The following KCNK1 variants were observed in gnomAD, a reference collection of about 807,000 sequenced individuals.
KCNK1 encodes the protein potassium channel subfamily K member 1.
A neutral mutation model predicts 22.2 loss-of-function variants in KCNK1; 10 were observed. The ratio of observed to expected loss-of-function variants is 0.45; its 90% CI spans 0.28 to 0.76. The LOEUF is 0.76. Ranked by LOEUF, KCNK1 falls within the 30% of genes least tolerant of loss-of-function variation. The pLI is 0.14. For synonymous variants in KCNK1, 200 were observed against 186.4 expected, an observed-to-expected ratio of 1.07 and a Z score of -0.60; for missense variants, 378 against 421.0, an observed-to-expected ratio of 0.90 and a Z score of 0.89.
At chr1:233,655,719 G>A (rs1658279720) in intron 1 of KCNK1, 2 of 152,878 alleles carry the variant, frequency 1.3e-5, no homozygotes, top group Admixed American at 1.3e-4. Flanking sequence ...TGAGATTAGA[G>A]TGAGAAGTCT....
intron 1 of KCNK1, among the ~76,000 whole-genome samples, chr1:233,642,643 T>C (rs1658018477): frequency 6.6e-6 from 1 of 152,204 alleles, no homozygotes; most frequent in Non-Finnish European, 1.5e-5. Context: ...CCCTTTAGCC[T>C]GTGGCCATGG....
chr1:233,670,589 T>C (rs1658579740), intron 2 of KCNK1, among the ~76,000 whole-genome samples: 1 of 152,104 alleles, frequency 6.6e-6, no homozygotes, highest in Admixed American at 6.5e-5. Context: ...AGAGAATGTG[T>C]GCAGGGGAAG....
chr1:233,656,032 G>A (rs975466342), intron 1 of KCNK1, among the ~76,000 whole-genome samples: 1 of 152,148 alleles, frequency 6.6e-6, no homozygotes, highest in Non-Finnish European at 1.5e-5. Flanking sequence ...AAGTCCCTAG[G>A]AAAGGATGCT....
chr1:233,654,196 C>T (rs548172584), intron 1 of KCNK1, among the ~76,000 whole-genome samples: 9 of 148,124 alleles, frequency 6.1e-5, no homozygotes, highest in South Asian at 4.4e-4. Context: ...AAAAAGCCAT[C>T]GGGGTGGGGG....
intron 1 of KCNK1, among the ~76,000 whole-genome samples, chr1:233,632,627 G>A (rs1021740350): frequency 6.6e-6 from 1 of 152,054 alleles, no homozygotes; most frequent in African/African-American, 2.4e-5. Flanking sequence ...GCTACCACTC[G>A]GTGACCACAT....
At chr1:233,655,475 C>T (rs1344272982) in intron 1 of KCNK1, among the ~76,000 whole-genome samples, 1 of 152,064 alleles carries the variant, frequency 6.6e-6, no homozygotes, top group African/African-American at 2.4e-5. Flanking sequence ...ATGCATTTTG[C>T]GTGTGAGAAG....
At chr1:233,659,463 T>C (rs141773929) in intron 1 of KCNK1, among the ~76,000 whole-genome samples, 22 of 150,902 alleles carry the variant, frequency 1.5e-4, no homozygotes, top group South Asian at 6.4e-4. Flanking sequence ...GTAAACCAGC[T>C]TCAGGCAAGT....
chr1:233,650,040 A>C (rs4649241), intron 1 of KCNK1: 251,349 of 533,006 alleles, frequency 0.47, 61,316 homozygotes, highest in Admixed American at 0.63. Flanking sequence ...CTTCCCTGAG[A>C]GTACACCAGG....
At chr1:233,654,022 G>A (rs1388098981) in intron 1 of KCNK1, among the ~76,000 whole-genome samples, 1 of 152,086 alleles carries the variant, frequency 6.6e-6, no homozygotes, top group Non-Finnish European at 1.5e-5. Flanking sequence ...AGGTGATTCT[G>A]GTGAAGGCTC....
At chr1:233,661,399 T>A (rs914213649) in intron 1 of KCNK1, among the ~76,000 whole-genome samples, 3 of 152,192 alleles carry the variant, frequency 2.0e-5, no homozygotes, top group African/African-American at 4.8e-5. Flanking sequence ...TGCCATTGCC[T>A]CTCTGTCTTT....
intron 1 of KCNK1, among the ~76,000 whole-genome samples, chr1:233,639,797 C>T (rs148839579): frequency 2.4e-4 from 37 of 152,260 alleles, no homozygotes; most frequent in Non-Finnish European, 3.7e-4. Flanking sequence ...GGCATTTATC[C>T]GGAGAGCTCC....
rs1252061940 is a variant in KCNK1 at position 233,667,875 on chromosome 1, CTTTAA to C, written c.751+890_751+894del. Among the ~76,000 whole-genome samples, 10 of 152,000 alleles carry C rather than the reference CTTTAA, an allele frequency of 6.6e-5. No individual in the cohort carries two copies. The East Asian group carries it at 1.9e-3, about 29-fold the overall frequency. On this transcript the variant is annotated intron_variant, in intron 2 of 2. Coordinates refer to ENST00000366621, the MANE Select transcript of KCNK1 (RefSeq NM_002245.4). ...GATAGAGCGTGTTATCAATCATGCTCTTTAATTTACCAGAAAAGTCTTAAAAGAGC... is the reference window on the plus strand; with the variant it reads ...GATAGAGCGTGTTATCAATCATGCTCTTTACCAGAAAAGTCTTAAAAGAGC...
intron 2 of KCNK1, among the ~76,000 whole-genome samples, chr1:233,669,939 A>G (rs747692857): frequency 6.6e-6 from 1 of 152,232 alleles, no homozygotes; most frequent in Non-Finnish European, 1.5e-5. Flanking sequence ...TTCTGAAGAT[A>G]CTAAAACTTT....
chr1:233,617,885 G>A (rs1339905947), intron 1 of KCNK1, among the ~76,000 whole-genome samples: 1 of 152,124 alleles, frequency 6.6e-6, no homozygotes, highest in Non-Finnish European at 1.5e-5. Flanking sequence ...AGCTGTGATT[G>A]AGCCACTGTG....
intron 1 of KCNK1, among the ~76,000 whole-genome samples, chr1:233,645,185 C>T (rs1404914495): frequency 4.1e-5 from 6 of 144,836 alleles, no homozygotes; most frequent in South Asian, 2.2e-4. Context: ...CAGAGTGAGA[C>T]TTTGTCTCAA....
At chr1:233,641,718 T>G (rs1404993545) in intron 1 of KCNK1, among the ~76,000 whole-genome samples, 1 of 152,124 alleles carries the variant, frequency 6.6e-6, no homozygotes, top group Admixed American at 6.5e-5. Context: ...TAACAAAAGA[T>G]AGATTAACAA....
intron 1 of KCNK1, among the ~76,000 whole-genome samples, chr1:233,633,429 C>CTTA (rs1371093950): frequency 6.6e-5 from 10 of 152,050 alleles, no homozygotes; most frequent in Non-Finnish European, 1.0e-4. Context: ...GCCCAATGAA[C>CTTA]TTAATGTTTG....
At chr1:233,645,960 A>G (rs1658084806) in intron 1 of KCNK1, among the ~76,000 whole-genome samples, 1 of 152,198 alleles carries the variant, frequency 6.6e-6, no homozygotes, top group Admixed American at 6.5e-5. Context: ...AACTAAACAG[A>G]TTGCCTAATA....
intron 1 of KCNK1, among the ~76,000 whole-genome samples, chr1:233,619,288 C>T (rs965513414): frequency 6.6e-6 from 1 of 152,070 alleles, no homozygotes; most frequent in Admixed American, 6.5e-5. Context: ...TCTCAAAGTG[C>T]TGGGATTACA....
Sources: gnomAD v4.1 joint callset for allele counts (sites outside exome capture counted in the v4.1 genomes callset) on GRCh38, gnomAD v4.1.1 for gene constraint, MANE v1.5 for transcripts, NCBI Gene and HGNC (gene_info 2026-07-23, HGNC 2026-07-21) for gene names.